The following NCAM1 variants were observed in gnomAD, a reference collection of about 807,000 sequenced individuals.
NCAM1 encodes the protein antigen recognized by monoclonal antibody 5.1H11.
A neutral mutation model predicts 109.8 loss-of-function variants in NCAM1; 14 were observed. The observed-to-expected ratio is 0.13, with a 90% CI of 0.08 to 0.20. NCAM1 has a LOEUF of 0.20. Among genes scored for constraint, NCAM1 ranks in the 10% least tolerant of loss-of-function variants. NCAM1 has a pLI of 1.00. For synonymous variants in NCAM1, 418 were observed against 442.9 expected (o/e 0.94, Z 0.70); for missense variants, 774 against 1,109.9 (o/e 0.70, Z 4.30).
chr11:113,246,666 G>A (rs1945510335), intron 15 of NCAM1, among the ~76,000 whole-genome samples: 2 of 152,182 alleles, frequency 1.3e-5, no homozygotes, highest in Non-Finnish European at 2.9e-5. Flanking sequence ...TTACCAGATG[G>A]TTCATAAAAA....
intron 1 of NCAM1, among the ~76,000 whole-genome samples, chr11:113,143,378 T>C (rs1941899464): frequency 6.6e-6 from 1 of 152,230 alleles, no homozygotes; most frequent in Non-Finnish European, 1.5e-5. Context: ...TTGATCTAGA[T>C]TATTCCGGTG....
intron 14 of NCAM1, chr11:113,236,459 A>G: frequency 1.2e-6 from 1 of 865,134 alleles, no homozygotes; most frequent in Non-Finnish European, 1.9e-6. Context: ...CACTGACCTT[A>G]GTCTAGTTGT....
Position 113,039,256 on chromosome 11 carries a change from C to T in NCAM1, c.52+77592C>T, listed in dbSNP as rs947096188. ...CTCACTTGAACTTGGCTTTTCCTGG[C>T]GAGGTTTTTGTGCTCTTCTCTTCTA... On this transcript the variant is annotated intron_variant, in intron 1 of 19. Transcript: ENST00000316851. Among the ~76,000 whole-genome samples, 5 of 152,140 alleles carry T rather than the reference C, an allele frequency of 3.3e-5. No homozygotes were observed. In the South Asian group the frequency reaches 8.3e-4, roughly 25 times the overall value.
intron 1 of NCAM1, among the ~76,000 whole-genome samples, chr11:113,120,963 G>T (rs1355584541): frequency 6.6e-6 from 1 of 152,098 alleles, no homozygotes; most frequent in Non-Finnish European, 1.5e-5. Context: ...GATTAGCTAG[G>T]CTCTAGGTGT....
intron 7 of NCAM1, among the ~76,000 whole-genome samples, chr11:113,210,815 CACACACAT>C (rs1177173393): frequency 7.7e-4 from 114 of 148,936 alleles, no homozygotes; most frequent in Middle Eastern, 6.9e-3. Flanking sequence ...CACACACACA[CACACACAT>C]ATTTCACAAT....
intron 1 of NCAM1, among the ~76,000 whole-genome samples, chr11:112,970,962 A>G (rs1381514163): frequency 6.6e-6 from 1 of 152,160 alleles, no homozygotes; most frequent in African/African-American, 2.4e-5. Context: ...AGGAAATTAA[A>G]TAATCATGGT....
chr11:113,159,260 A>G (rs1409769871), intron 1 of NCAM1, among the ~76,000 whole-genome samples: 2 of 152,226 alleles, frequency 1.3e-5, no homozygotes, highest in Admixed American at 1.3e-4. Context: ...ATCGTAGTTG[A>G]TAATTAGGAG....
intron 1 of NCAM1, among the ~76,000 whole-genome samples, chr11:113,201,570 C>T (rs577104848): frequency 1.2e-4 from 19 of 152,320 alleles, no homozygotes; most frequent in Middle Eastern, 3.4e-3. Flanking sequence ...AGCAGATAAA[C>T]GAGGAGCAGA....
chr11:113,110,180 G>C (rs528246850), intron 1 of NCAM1, among the ~76,000 whole-genome samples: 1 of 151,702 alleles, frequency 6.6e-6, no homozygotes, highest in African/African-American at 2.4e-5. Flanking sequence ...TTATGAACTT[G>C]TCTCAAGGAT....
intron 1 of NCAM1, among the ~76,000 whole-genome samples, chr11:113,060,783 C>A (rs1953888188): frequency 6.6e-6 from 1 of 151,984 alleles, no homozygotes; most frequent in Non-Finnish European, 1.5e-5. Flanking sequence ...TGGTGTGCCC[C>A]AATGTTTTCC....
intron 9 of NCAM1, among the ~76,000 whole-genome samples, chr11:113,225,778 C>A (rs926915813): frequency 3.9e-5 from 6 of 152,224 alleles, no homozygotes; most frequent in Admixed American, 3.9e-4. Flanking sequence ...GGCCAATATT[C>A]AACATTCTTA....
In NCAM1 at chr11:113,256,011, C is replaced by T; in HGVS notation, c.1953+10C>T. On this transcript the variant is annotated intron_variant, in intron 16 of 19. Coordinates refer to ENST00000316851, the MANE Select transcript of NCAM1 (RefSeq NM_181351.5). ...GGTCAGGTACCGAGCGGTGAGTGGCCTCCTTCTCAGACTTCACCAGAACCC... is the reference window on the plus strand; with the variant it reads ...GGTCAGGTACCGAGCGGTGAGTGGCTTCCTTCTCAGACTTCACCAGAACCC... The T allele has an allele frequency of 1.9e-6, 3 of 1,592,892 alleles. No individual in the cohort carries two copies. The highest frequency in any genetic ancestry group is 2.6e-6 in the Non-Finnish European group (3 of 1,169,650).
intron 1 of NCAM1, among the ~76,000 whole-genome samples, chr11:113,061,443 A>C (rs1317597680): frequency 6.6e-6 from 1 of 152,208 alleles, no homozygotes; most frequent in Non-Finnish European, 1.5e-5. Flanking sequence ...AAGTAGGTGA[A>C]TTATGGAAGT....
chr11:113,122,693 G>A (rs1555096331), intron 1 of NCAM1, among the ~76,000 whole-genome samples: 1 of 152,054 alleles, frequency 6.6e-6, no homozygotes, highest in Non-Finnish European at 1.5e-5. Flanking sequence ...CTGAGGCAAG[G>A]GAATTGCTTG....
At chr11:113,128,211 G>C (rs530166333) in intron 1 of NCAM1, among the ~76,000 whole-genome samples, 2 of 152,112 alleles carry the variant, frequency 1.3e-5, no homozygotes, top group African/African-American at 2.4e-5. Flanking sequence ...TTCACTGCTC[G>C]GGCCTTGCGT....
intron 1 of NCAM1, among the ~76,000 whole-genome samples, chr11:113,089,991 T>C (rs1939266931): frequency 6.6e-6 from 1 of 152,188 alleles, no homozygotes; most frequent in African/African-American, 2.4e-5. Flanking sequence ...TTATGCAGAG[T>C]GAAATACATA....
chr11:113,057,020 C>T lies in NCAM1; in HGVS notation c.52+95356C>T, dbSNP rs1436108. Among the ~76,000 whole-genome samples the T allele has an allele frequency of 8.5e-5, 13 of 152,212 alleles. No homozygotes were observed. The South Asian group carries it at 2.5e-3, about 29-fold the overall frequency. On this transcript the variant is annotated intron_variant, in intron 1 of 19. Coordinates refer to ENST00000316851, the MANE Select transcript of NCAM1 (RefSeq NM_181351.5). ...TTAGGTGCCAGAGAAACAAAGAATA[C>T]GTATGTCATAGCCTCTTGAAACTAC...
At chr11:113,103,129 C>T (rs549479912) in intron 1 of NCAM1, among the ~76,000 whole-genome samples, 1 of 152,330 alleles carries the variant, frequency 6.6e-6, no homozygotes, top group South Asian at 2.1e-4. Flanking sequence ...GACATCATAG[C>T]ACTTTGGCTG....
At chr11:113,122,973 A>G (rs1393311432) in intron 1 of NCAM1, among the ~76,000 whole-genome samples, 1 of 152,184 alleles carries the variant, frequency 6.6e-6, no homozygotes, top group African/African-American at 2.4e-5. Context: ...CAAATATTGT[A>G]TGTTCTCACT....
Sources: allele counts gnomAD v4.1 joint callset (sites outside exome capture counted in the v4.1 genomes callset), GRCh38; gene constraint gnomAD v4.1.1; transcripts MANE v1.5; gene names NCBI Gene and HGNC (gene_info 2026-07-23, HGNC 2026-07-21).